NFATC1: variants seen among roughly 807,000 people sequenced by gnomAD.
The protein encoded by NFATC1 is nuclear factor of activated T-cells, cytoplasmic 1.
Under a neutral mutation model 76.0 loss-of-function variants are expected in NFATC1, and 22 were observed. The observed-to-expected ratio is 0.29, with a 90% CI of 0.21 to 0.41. The LOEUF (loss-of-function observed/expected upper bound fraction) is 0.41. NFATC1 is among the 10% of genes least tolerant of loss of function. NFATC1 has a pLI of 1.00. For missense variants in NFATC1, 1,357 were observed against 1,337.7 expected, an observed-to-expected ratio of 1.01 and a Z score of -0.23; for synonymous variants, 704 against 613.1, an observed-to-expected ratio of 1.15 and a Z score of -2.19.
At chr18:79,398,726 AT>A (rs987541490) in intron 1 of NFATC1, among the ~76,000 whole-genome samples, 2 of 152,378 alleles carry the variant, frequency 1.3e-5, no homozygotes, top group African/African-American at 4.8e-5. Context: ...AAGGGCTGTC[AT>A]TTGTGTATAA....
At chr18:79,460,726 T>C (rs2088021113) in intron 6 of NFATC1, among the ~76,000 whole-genome samples, 1 of 152,130 alleles carries the variant, frequency 6.6e-6, no homozygotes, top group Admixed American at 6.5e-5. Context: ...CAGGCCCTCA[T>C]CCACCAGAGT....
At chr18:79,513,792 A>C (rs555231437) in intron 9 of NFATC1, among the ~76,000 whole-genome samples, 2 of 152,268 alleles carry the variant, frequency 1.3e-5, no homozygotes, top group South Asian at 4.2e-4. Context: ...TGGTTCGTGG[A>C]CACTCACCAT....
intron 8 of NFATC1, among the ~76,000 whole-genome samples, chr18:79,474,614 C>CGTT (rs1247673426): frequency 2.6e-4 from 38 of 146,424 alleles, no homozygotes; most frequent in African/African-American, 4.6e-4. Context: ...TCACTGTTGA[C>CGTT]GTAAACCTGA....
At position 79,441,734 on chromosome 18, in the gene NFATC1, C is replaced by T. The variant is rs1045245097; in HGVS notation, c.1387-7048C>T. On this transcript the variant is annotated intron_variant, in intron 3 of 9. Coordinates refer to ENST00000427363, the MANE Select transcript of NFATC1 (RefSeq NM_001278669.2). ...TCTAGAAGGTTGCCGTTTCTCCCTT[C>T]GTGGCCGTGGGCTGTGGATTCTGTG... Among the ~76,000 whole-genome samples, 10 of 152,240 alleles carry T rather than the reference C, an allele frequency of 6.6e-5. No homozygotes were observed. The South Asian group carries it at 1.0e-3, about 16-fold the overall frequency.
intron 1 of NFATC1, among the ~76,000 whole-genome samples, chr18:79,409,282 A>C (rs1295561350): frequency 1.0e-5 from 1 of 99,596 alleles, no homozygotes; most frequent in Non-Finnish European, 2.2e-5. Context: ...TCATCCATCC[A>C]TCATTATCTA....
At chr18:79,481,928 C>T (rs560823673) in intron 8 of NFATC1, among the ~76,000 whole-genome samples, 25 of 142,048 alleles carry the variant, frequency 1.8e-4, no homozygotes, top group African/African-American at 6.4e-4. Flanking sequence ...TCCAGTGTGA[C>T]GTGGTCCTGG....
chr18:79,400,272 GCGGGGAC>G (rs1179988562), intron 1 of NFATC1: 6 of 1,189,656 alleles, frequency 5.0e-6, no homozygotes, highest in Non-Finnish European at 6.3e-6. Context: ...CGGGGGCGGG[GCGGGGAC>G]GGGGGGAGGG....
intron 3 of NFATC1, among the ~76,000 whole-genome samples, chr18:79,438,861 A>G (rs1310697824): frequency 6.6e-6 from 1 of 152,166 alleles, no homozygotes; most frequent in African/African-American, 2.4e-5. Flanking sequence ...CTCTCCTTCC[A>G]TTGCCCAGCT....
At chr18:79,476,609 G>GCTT (rs2089082349) in intron 8 of NFATC1, among the ~76,000 whole-genome samples, 2 of 152,100 alleles carry the variant, frequency 1.3e-5, no homozygotes, top group African/African-American at 4.8e-5. Context: ...CTGTTTTCAC[G>GCTT]CTTCTGTATG....
chr18:79,436,249 A>G lies in NFATC1; in HGVS notation c.1386+2511A>G, dbSNP rs868530499. On this transcript the variant is annotated intron_variant, in intron 3 of 9. Transcript: ENST00000427363. ...ATCGCACTGGCCTGGGGGCGCGAGG[A>G]CGAGGCCGTGGGTAGTGGGCGCTGC... Among the ~76,000 whole-genome samples, 3 of 152,202 alleles carry G rather than the reference A, an allele frequency of 2.0e-5. 1 individual carries two copies. Among genetic ancestry groups the G allele is most frequent in the Middle Eastern group, 3.2e-3 (1 of 316 alleles).
rs149326362 is a variant in NFATC1 at position 79,500,789 on chromosome 18, A to G, written c.2782+13852A>G. Among the ~76,000 whole-genome samples the G allele has an allele frequency of 1.4e-4, 21 of 152,282 alleles. No individual in the cohort carries two copies. In the East Asian group the frequency reaches 4.0e-3, roughly 29 times the overall value. Reference sequence around the variant, plus strand: ...TCTTAGACACGAATTACCTAAACTGACTCAGGAAGAAACAGAAAAGTATAA... The same window carrying G: ...TCTTAGACACGAATTACCTAAACTGGCTCAGGAAGAAACAGAAAAGTATAA... On this transcript the variant is annotated intron_variant, in intron 9 of 9. Transcript: ENST00000427363.
intron 9 of NFATC1, among the ~76,000 whole-genome samples, chr18:79,516,676 T>C (rs1056413058): frequency 2.0e-5 from 3 of 152,194 alleles, no homozygotes; most frequent in Non-Finnish European, 4.4e-5. Flanking sequence ...TGGTAGACTT[T>C]CTAAGAGGTT....
chr18:79,458,354 G>C (rs535145346), intron 6 of NFATC1, among the ~76,000 whole-genome samples: 1 of 152,142 alleles, frequency 6.6e-6, no homozygotes, highest in Non-Finnish European at 1.5e-5. Context: ...AGGAGACGCC[G>C]TGGGGAGCAG....
At chr18:79,428,408 C>G (rs532392810) in intron 2 of NFATC1, among the ~76,000 whole-genome samples, 2 of 152,208 alleles carry the variant, frequency 1.3e-5, no homozygotes, top group East Asian at 3.8e-4. Flanking sequence ...ACCCCGGACC[C>G]TAGTGGGTGA....
intron 2 of NFATC1, among the ~76,000 whole-genome samples, chr18:79,430,773 C>T (rs1486439482): frequency 4.0e-5 from 6 of 151,186 alleles, no homozygotes; most frequent in African/African-American, 9.7e-5. Context: ...GCATCATCTG[C>T]GACTTTGTTT....
At chr18:79,511,427 C>CG (rs1383254174) in intron 9 of NFATC1, among the ~76,000 whole-genome samples, 3 of 152,290 alleles carry the variant, frequency 2.0e-5, no homozygotes, top group Admixed American at 1.3e-4. Flanking sequence ...CAGGTTCTGC[C>CG]GGGGGTCAGT....
At chr18:79,490,886 A>G (rs1485133984) in intron 9 of NFATC1, among the ~76,000 whole-genome samples, 2 of 152,130 alleles carry the variant, frequency 1.3e-5, no homozygotes, top group Non-Finnish European at 2.9e-5. Flanking sequence ...GCCGTGACAT[A>G]AACGAGGTCA....
chr18:79,426,404 C>T (rs573470095), intron 2 of NFATC1, among the ~76,000 whole-genome samples: 3 of 152,310 alleles, frequency 2.0e-5, no homozygotes, highest in South Asian at 4.1e-4. Context: ...CCCCAGGCCA[C>T]GGGGGCCACT....
chr18:79,441,316 G>A (rs1408322141), intron 3 of NFATC1, among the ~76,000 whole-genome samples: 1 of 152,054 alleles, frequency 6.6e-6, no homozygotes, highest in African/African-American at 2.4e-5. Context: ...GTCTGGACTG[G>A]GTATCGCTGT....
Sources: allele counts gnomAD v4.1 joint callset (sites outside exome capture counted in the v4.1 genomes callset), GRCh38; gene constraint gnomAD v4.1.1; transcripts MANE v1.5; gene names NCBI Gene and HGNC (gene_info 2026-07-23, HGNC 2026-07-21).